The following TMEM132B variants were observed in gnomAD, a reference collection of about 807,000 sequenced individuals.
The protein encoded by TMEM132B is transmembrane protein 132B.
Under a neutral mutation model 90.8 loss-of-function variants are expected in TMEM132B, and 18 were observed. The observed-to-expected ratio is 0.20, with a 90% CI of 0.14 to 0.29. The LOEUF is 0.29. TMEM132B is among the 10% of genes least tolerant of loss of function. The probability of loss-of-function intolerance (pLI) is 1.00; values close to 1 mark genes in which losing one functional copy is unlikely to be tolerated. For synonymous variants in TMEM132B, 504 were observed against 523.3 expected (o/e 0.96, Z 0.50); for missense variants, 1,096 against 1,326.8 (o/e 0.83, Z 2.70).
At chr12:125,570,649 G>A (rs995180752) in intron 4 of TMEM132B, among the ~76,000 whole-genome samples, 1 of 152,176 alleles carries the variant, frequency 6.6e-6, no homozygotes, top group African/African-American at 2.4e-5. Flanking sequence ...TCTAAAAATA[G>A]CCATCAAGTT....
At chr12:125,483,862 G>A (rs77663536) in intron 3 of TMEM132B, among the ~76,000 whole-genome samples, 2 of 152,240 alleles carry the variant, frequency 1.3e-5, no homozygotes, top group African/African-American at 4.8e-5. Flanking sequence ...TGATTGCCTT[G>A]TTTCCAGCCA....
At chr12:125,529,024 C>T (rs1410214507) in intron 4 of TMEM132B, among the ~76,000 whole-genome samples, 3 of 147,978 alleles carry the variant, frequency 2.0e-5, no homozygotes, top group African/African-American at 5.0e-5. Flanking sequence ...TCTTCCCCCT[C>T]CTTCTTCCTC....
chr12:125,569,878 A>G (rs112866296), intron 4 of TMEM132B, among the ~76,000 whole-genome samples: 5,619 of 152,206 alleles, frequency 0.037, 158 homozygotes, highest in Non-Finnish European at 0.056. Context: ...TTTTCATTCC[A>G]AATTCTTTAC....
intron 1 of TMEM132B, among the ~76,000 whole-genome samples, chr12:125,325,669 CTGTG>C (rs59220510): frequency 0.03 from 3,784 of 124,244 alleles, 60 homozygotes; most frequent in Non-Finnish European, 0.044. Context: ...GCCTCCCACC[CTGTG>C]TGTGTGTGTG....
intron 3 of TMEM132B, among the ~76,000 whole-genome samples, chr12:125,504,758 T>C (rs1048407738): frequency 6.6e-6 from 1 of 152,122 alleles, no homozygotes; most frequent in African/African-American, 2.4e-5. Context: ...GAGTTTCTCA[T>C]TTTATGACTT....
At position 125,492,811 on chromosome 12, in the gene TMEM132B, T is replaced by C. The variant is rs1232942672; in HGVS notation, c.1107-26628T>C. 6.6e-6 allele frequency among the ~76,000 whole-genome samples: 1 copy of C among 152,140 alleles called. No homozygotes were observed. Among genetic ancestry groups the C allele is most frequent in the African/African-American group, 2.4e-5 (1 of 41,420 alleles). On this transcript the variant is annotated intron_variant, in intron 3 of 8. Transcript: ENST00000682704. The surrounding 1 kb of genome is among the most constrained non-coding windows in gnomAD (Gnocchi z 5.8). ...CTTGGCTCCAAAATGGGCTGGGCCC[T>C]GTGTCAGGCTCCAGGGATAGACACA...
At chr12:125,361,402 T>G (rs1877953590) in intron 2 of TMEM132B, among the ~76,000 whole-genome samples, 1 of 152,144 alleles carries the variant, frequency 6.6e-6, no homozygotes, top group African/African-American at 2.4e-5. Context: ...ATCCCCCATT[T>G]CAAAGGTTAA....
rs567547082 is a variant in TMEM132B at position 125,219,213 on chromosome 12, C to T, written c.67+32347C>T. Among the ~76,000 whole-genome samples the T allele has an allele frequency of 2.0e-5, 3 of 152,232 alleles. No individual in the cohort carries two copies. In the East Asian group the frequency reaches 5.8e-4, roughly 29 times the overall value. On this transcript the variant is annotated intron_variant, in intron 1 of 8. Coordinates refer to ENST00000682704, the MANE Select transcript of TMEM132B (RefSeq NM_001366854.1). ...CTGGTGGCATCTCAGGGCCACGTGG[C>T]AGAGATGCAGAAATGCATTCCCAGG...
intron 5 of TMEM132B, among the ~76,000 whole-genome samples, chr12:125,605,167 CCTT>C (rs1425158674): frequency 6.6e-6 from 1 of 152,210 alleles, no homozygotes; most frequent in African/African-American, 2.4e-5. Context: ...ACAGCAGACA[CCTT>C]CTGGGCAGTC....
chr12:125,383,161 T>G (rs1878733245), intron 2 of TMEM132B, among the ~76,000 whole-genome samples: 1 of 152,190 alleles, frequency 6.6e-6, no homozygotes, highest in South Asian at 2.1e-4. Context: ...CCTCTTTGAT[T>G]TGTTGCTCAA....
chr12:125,272,130 A>T (rs1874854861), intron 1 of TMEM132B, among the ~76,000 whole-genome samples: 1 of 152,226 alleles, frequency 6.6e-6, no homozygotes. Flanking sequence ...TCTCTTTATG[A>T]GAAGGATTAC....
chr12:125,399,276 C>T (rs546326798), intron 2 of TMEM132B, among the ~76,000 whole-genome samples: 21 of 152,272 alleles, frequency 1.4e-4, no homozygotes, highest in African/African-American at 5.1e-4. Flanking sequence ...AGCCAGGGAT[C>T]GTAGCAGATC....
intron 4 of TMEM132B, among the ~76,000 whole-genome samples, chr12:125,576,473 C>T (rs1304085): frequency 0.042 from 6,287 of 150,334 alleles, 455 homozygotes; most frequent in African/African-American, 0.14. Flanking sequence ...CCCCCCACCC[C>T]GCCCCAATTA....
intron 1 of TMEM132B, among the ~76,000 whole-genome samples, chr12:125,328,342 G>A (rs1876654915): frequency 6.6e-6 from 1 of 152,178 alleles, no homozygotes; most frequent in African/African-American, 2.4e-5. Context: ...TTCTGCCCAT[G>A]CTGTTTCCTC....
At chr12:125,598,024 G>A (rs892758990) in intron 5 of TMEM132B, among the ~76,000 whole-genome samples, 1 of 152,188 alleles carries the variant, frequency 6.6e-6, no homozygotes, top group African/African-American at 2.4e-5. Context: ...TGTGTAGGAT[G>A]TGGGAGGATT....
chr12:125,638,239 A>G (rs1003539676), intron 5 of TMEM132B, among the ~76,000 whole-genome samples: 11 of 152,214 alleles, frequency 7.2e-5, no homozygotes, highest in Non-Finnish European at 1.3e-4. Context: ...TCTACTCTCC[A>G]TAATATAGAG....
At chr12:125,580,854 C>T (rs960533132) in intron 4 of TMEM132B, among the ~76,000 whole-genome samples, 1 of 152,156 alleles carries the variant, frequency 6.6e-6, no homozygotes, top group African/African-American at 2.4e-5. Flanking sequence ...AGAACTCACA[C>T]AAATAAGAGC....
intron 5 of TMEM132B, among the ~76,000 whole-genome samples, chr12:125,603,153 A>G (rs1006258418): frequency 2.6e-5 from 4 of 152,232 alleles, no homozygotes; most frequent in African/African-American, 7.2e-5. Context: ...AGCCAAGAAA[A>G]TCTTAAGTGA....
chr12:125,330,109 G>A (rs1032021627), intron 1 of TMEM132B, among the ~76,000 whole-genome samples: 5 of 152,196 alleles, frequency 3.3e-5, no homozygotes, highest in Non-Finnish European at 7.3e-5. Flanking sequence ...CACGGGATGC[G>A]TGTGGTGTGG....
Sources: allele counts gnomAD v4.1 joint callset (sites outside exome capture counted in the v4.1 genomes callset), GRCh38; gene constraint gnomAD v4.1.1; non-coding constraint Gnocchi (gnomAD v3.1); transcripts MANE v1.5; gene names NCBI Gene and HGNC (gene_info 2026-07-23, HGNC 2026-07-21).